The following COL22A1 variants were observed in gnomAD, a reference collection of about 807,000 sequenced individuals.
The protein encoded by COL22A1 is collagen alpha-1(XXII) chain.
Under a neutral mutation model 248.9 loss-of-function variants are expected in COL22A1, and 221 were observed. That is an observed-to-expected ratio of 0.89 (90% CI 0.80 to 0.99). COL22A1 has a LOEUF of 0.99. COL22A1 is among the 50% of genes least tolerant of loss of function. The pLI, the probability that COL22A1 is intolerant of heterozygous loss-of-function variation, is 0.00. For synonymous variants in COL22A1, 891 were observed against 793.4 expected (o/e 1.12, Z -2.07); for missense variants, 2,240 against 2,179.0 (o/e 1.03, Z -0.56).
intron 30 of COL22A1, among the ~76,000 whole-genome samples, chr8:138,704,032 G>A (rs926137689): frequency 3.9e-5 from 6 of 152,210 alleles, no homozygotes; most frequent in Admixed American, 2.0e-4. Context: ...CACTGCTAGC[G>A]CAGCAGTCTG....
chr8:138,678,896 T>G (rs1825763726), intron 40 of COL22A1, among the ~76,000 whole-genome samples: 1 of 152,206 alleles, frequency 6.6e-6, no homozygotes, highest in South Asian at 2.1e-4. Context: ...TATATTATGG[T>G]TGCATTATTA....
intron 13 of COL22A1, among the ~76,000 whole-genome samples, chr8:138,780,260 CT>C (rs1814844107): frequency 6.6e-6 from 1 of 152,222 alleles, no homozygotes; most frequent in African/African-American, 2.4e-5. Context: ...TCTCCAGGAT[CT>C]TAGACCACCT....
intron 47 of COL22A1, among the ~76,000 whole-genome samples, chr8:138,640,416 C>A (rs76322356): frequency 6.6e-6 from 1 of 152,038 alleles, no homozygotes; most frequent in South Asian, 2.1e-4. Flanking sequence ...TAACTCTCTA[C>A]GACTCTCAGA....
intron 3 of COL22A1, among the ~76,000 whole-genome samples, chr8:138,844,770 G>A (rs1821115790): frequency 6.6e-6 from 1 of 152,008 alleles, no homozygotes; most frequent in African/African-American, 2.4e-5. Context: ...CTAACACGGT[G>A]AAACCCCGTC....
chr8:138,738,202 G>T (rs1032337866), intron 22 of COL22A1, among the ~76,000 whole-genome samples: 3 of 152,182 alleles, frequency 2.0e-5, no homozygotes, highest in African/African-American at 7.2e-5. Context: ...GGCTAGGTAG[G>T]TTACTTAGGG....
At chr8:138,909,444 G>A (rs1350913289) in intron 1 of COL22A1, among the ~76,000 whole-genome samples, 6 of 150,948 alleles carry the variant, frequency 4.0e-5, no homozygotes, top group East Asian at 1.9e-4. Flanking sequence ...ACTCAGCCAC[G>A]GGGCAGGCGA....
At chr8:138,838,665 G>A (rs1452546014) in intron 4 of COL22A1, among the ~76,000 whole-genome samples, 4 of 103,678 alleles carry the variant, frequency 3.9e-5, no homozygotes, top group Admixed American at 1.1e-4. Context: ...GGCAGCAAAG[G>A]GCACCAAAAA....
At chr8:138,601,841 T>A (rs1344329545) in intron 60 of COL22A1, among the ~76,000 whole-genome samples, 1 of 152,122 alleles carries the variant, frequency 6.6e-6, no homozygotes, top group African/African-American at 2.4e-5. Flanking sequence ...TTTGAATCTC[T>A]AATTGTGATG....
intron 30 of COL22A1, among the ~76,000 whole-genome samples, chr8:138,710,153 C>T (rs576301305): frequency 1.3e-5 from 2 of 152,330 alleles, no homozygotes; most frequent in African/African-American, 4.8e-5. Context: ...ATACATACAG[C>T]TCACAGCATG....
At chr8:138,897,795 C>A (rs10094560) in intron 1 of COL22A1, among the ~76,000 whole-genome samples, 12 of 151,106 alleles carry the variant, frequency 7.9e-5, no homozygotes, top group African/African-American at 2.4e-4. Context: ...TGAAAAACAA[C>A]AACAGAAAAA....
rs541711047 is a variant in COL22A1 at position 138,641,373 on chromosome 8, C to T, written c.3502-4578G>A. 1.2e-4 allele frequency among the ~76,000 whole-genome samples: 18 copies of T among 152,272 alleles called. No individual in the cohort carries two copies. The South Asian group carries it at 3.3e-3, about 28-fold the overall frequency. On this transcript the variant is annotated intron_variant, in intron 47 of 64. Coordinates refer to ENST00000303045, the MANE Select transcript of COL22A1 (RefSeq NM_152888.3). Reference sequence around the variant, plus strand: ...GTCCTATTACTGGTTGGTGAACATGCTATAAGAAGGAAATAAAAACGCTTT... The same window carrying T: ...GTCCTATTACTGGTTGGTGAACATGTTATAAGAAGGAAATAAAAACGCTTT...
At chr8:138,631,161 C>T (rs75379784) in intron 49 of COL22A1, among the ~76,000 whole-genome samples, 2,732 of 152,238 alleles carry the variant, frequency 0.018, 72 homozygotes, top group African/African-American at 0.062. Flanking sequence ...CAGAACTGAG[C>T]CAATAAAACC....
chr8:138,667,122 A>G (rs1234738319), intron 41 of COL22A1, among the ~76,000 whole-genome samples: 7 of 152,228 alleles, frequency 4.6e-5, no homozygotes, highest in African/African-American at 1.7e-4. Context: ...GGATTATACA[A>G]TGACTTTCTA....
chr8:138,758,247 C>T (rs1833188392), intron 18 of COL22A1, among the ~76,000 whole-genome samples: 1 of 152,190 alleles, frequency 6.6e-6, no homozygotes, highest in East Asian at 1.9e-4. Flanking sequence ...CTTGAGATAA[C>T]TATTAATGTG....
At chr8:138,721,926 A>G in intron 26 of COL22A1, 110 bp downstream of exon 26, 1 of 867,248 alleles carries the variant, frequency 1.2e-6, no homozygotes, top group South Asian at 1.4e-5. Flanking sequence ...CTGAATCCTG[A>G]TCGAAGACCC....
At chr8:138,824,979 A>G (rs1819468750) in intron 6 of COL22A1, among the ~76,000 whole-genome samples, 1 of 152,216 alleles carries the variant, frequency 6.6e-6, no homozygotes. Flanking sequence ...GAAGATGCAC[A>G]CATGGCAGAC....
At chr8:138,685,147 T>G in intron 38 of COL22A1, 61 bp downstream of exon 38, 1 of 1,189,164 alleles carries the variant, frequency 8.4e-7, no homozygotes, top group Non-Finnish European at 1.2e-6. Flanking sequence ...TTTTTTTCCT[T>G]TTCCTTCTCT....
At chr8:138,857,388 C>T (rs1375053353) in intron 3 of COL22A1, among the ~76,000 whole-genome samples, 4 of 152,232 alleles carry the variant, frequency 2.6e-5, no homozygotes, top group Non-Finnish European at 5.9e-5. Flanking sequence ...CCACACCCTT[C>T]CATGCCCTGG....
At chr8:138,749,105 T>C (rs1832377522) in intron 22 of COL22A1, among the ~76,000 whole-genome samples, 2 of 152,212 alleles carry the variant, frequency 1.3e-5, no homozygotes, top group Non-Finnish European at 2.9e-5. Flanking sequence ...TCTACCATGA[T>C]TGTGAGACCT....
Sources: gnomAD v4.1 joint callset for allele counts (sites outside exome capture counted in the v4.1 genomes callset) on GRCh38, gnomAD v4.1.1 for gene constraint, MANE v1.5 for transcripts, NCBI Gene and HGNC (gene_info 2026-07-23, HGNC 2026-07-21) for gene names.